The following PHF21B variants were observed in gnomAD, a reference collection of about 807,000 sequenced individuals.
PHF21B encodes PHD finger protein 4.
Under a neutral mutation model 62.2 loss-of-function variants are expected in PHF21B, and 22 were observed. That is an observed-to-expected ratio of 0.35 (90% CI 0.25 to 0.51). PHF21B has a LOEUF of 0.51. Ranked by LOEUF, PHF21B falls within the 20% of genes least tolerant of loss-of-function variation. PHF21B has a pLI of 0.97. For synonymous variants in PHF21B, 341 were observed against 314.7 expected (o/e 1.08, Z -0.88); for missense variants, 701 against 707.9 (o/e 0.99, Z 0.11).
chr22:44,973,929 T>A (rs1601664716), intron 2 of PHF21B, among the ~76,000 whole-genome samples: 2 of 152,028 alleles, frequency 1.3e-5, no homozygotes, highest in African/African-American at 4.8e-5. Flanking sequence ...AGGAGGCAGG[T>A]AAGGACAATG....
intron 2 of PHF21B, among the ~76,000 whole-genome samples, chr22:44,942,999 C>A (rs1349044497): frequency 3.0e-5 from 1 of 33,462 alleles, no homozygotes. Flanking sequence ...GGAGGGACCC[C>A]CCCCCCCCCA....
intron 1 of PHF21B, chr22:45,008,917 A>T (rs1030335583): frequency 5.3e-6 from 6 of 1,131,848 alleles, no homozygotes; most frequent in Admixed American, 4.9e-5. Flanking sequence ...TGTGAGTGTG[A>T]GTGTGTGCCG....
chr22:44,893,680 G>A, intron 6 of PHF21B, 147 bp from the exon 7 acceptor site: 1 of 738,568 alleles, frequency 1.4e-6, no homozygotes, highest in Non-Finnish European at 2.2e-6. Flanking sequence ...ATGGCCCAGG[G>A]TGGGTTAGGG....
At chr22:44,982,811 A>C (rs2018475646) in intron 2 of PHF21B, among the ~76,000 whole-genome samples, 1 of 152,214 alleles carries the variant, frequency 6.6e-6, no homozygotes, top group East Asian at 1.9e-4. Context: ...TTACGGGAGC[A>C]GCAGGCTCTG....
intron 2 of PHF21B, among the ~76,000 whole-genome samples, chr22:44,968,092 T>TAA (rs959811778): frequency 4.6e-5 from 7 of 152,144 alleles, no homozygotes; most frequent in Admixed American, 3.3e-4. Context: ...TCAGAGCAGT[T>TAA]ACTTTACTTC....
rs1300241022 is a variant in PHF21B at position 44,914,037 on chromosome 22, G to C, written c.616C>G (p.Leu206Val). 2 of 1,392,282 alleles carry C rather than the reference G, an allele frequency of 1.4e-6. No homozygotes were observed. The highest frequency in any genetic ancestry group is 2.0e-6 in the Non-Finnish European group (2 of 990,108). The allele number at this position is 1,392,282 out of a possible 1,614,324, so 86.2% of individuals were successfully genotyped here. A position where few individuals can be genotyped will look rare whatever the true frequency, so the allele number is the denominator to read the frequency against. The change falls in exon 5 of 13, where the codon CTC becomes GTC. Residue 206 changes from leucine (L) to valine (V), a missense_variant. Leu to Val is a conservative substitution (Grantham distance 32, BLOSUM62 1). Coordinates refer to ENST00000313237, the MANE Select transcript of PHF21B (RefSeq NM_138415.5). ...SPHPATHHCP[L>V]HPSSLPLTPP... ...GTGAGGGGAAGAGAGGAGGGGTGGAGGGGACAGTGATGGGTTGCGGGGTGA... is the reference window on the plus strand; with the variant it reads ...GTGAGGGGAAGAGAGGAGGGGTGGACGGGACAGTGATGGGTTGCGGGGTGA...
intron 2 of PHF21B, among the ~76,000 whole-genome samples, chr22:44,922,180 G>A (rs1422899424): frequency 6.6e-6 from 1 of 152,190 alleles, no homozygotes; most frequent in Non-Finnish European, 1.5e-5. Flanking sequence ...TTTATCCCAG[G>A]ACTGCAGGGC....
At chr22:44,985,514 C>T (rs1203202486) in intron 2 of PHF21B, among the ~76,000 whole-genome samples, 1 of 151,940 alleles carries the variant, frequency 6.6e-6, no homozygotes, top group African/African-American at 2.4e-5. Flanking sequence ...AGGAGGATCG[C>T]TGGAACCCAG....
intron 2 of PHF21B, chr22:45,001,045 C>T (rs1397643918): frequency 6.6e-6 from 1 of 152,202 alleles, no homozygotes; most frequent in Non-Finnish European, 1.5e-5. Context: ...GAAGCTGGGC[C>T]GTGAACCCCC....
chr22:44,907,179 C>T (rs2071266481), intron 5 of PHF21B, among the ~76,000 whole-genome samples: 1 of 152,198 alleles, frequency 6.6e-6, no homozygotes, highest in African/African-American at 2.4e-5. Flanking sequence ...CCCCGCCCAC[C>T]CCCAGCCTCC....
rs2073371692 is a variant in PHF21B, at chr22:45,008,685, ACCCCCCGCCCGGAG to A, written c.55-89_55-76del. 9 of 1,155,920 alleles carry A rather than the reference ACCCCCCGCCCGGAG, an allele frequency of 7.8e-6. No individual in the cohort carries two copies. The South Asian group carries it at 2.0e-4, about 25-fold the overall frequency. The allele number at this position is 1,155,920 out of a possible 1,614,324, so 71.6% of individuals were successfully genotyped here. On this transcript the variant is annotated intron_variant, in intron 1 of 12. Coordinates refer to ENST00000313237, the MANE Select transcript of PHF21B (RefSeq NM_138415.5). ...GCACCCCAGCACCGCGGGCCGCGGC[ACCCCCCGCCCGGAG>A]CCCCACGGGCGGGGCCGGCCGCAGC...
intron 5 of PHF21B, among the ~76,000 whole-genome samples, chr22:44,904,156 A>G (rs2071209232): frequency 6.6e-6 from 1 of 152,152 alleles, no homozygotes; most frequent in Non-Finnish European, 1.5e-5. Context: ...TAAAGGCTGG[A>G]GTTAATATTT....
intron 2 of PHF21B, among the ~76,000 whole-genome samples, chr22:44,958,092 C>T (rs1002742592): frequency 3.3e-5 from 5 of 152,062 alleles, no homozygotes; most frequent in South Asian, 2.1e-4. Flanking sequence ...TTAATAGAGA[C>T]GGGGTTTCTC....
intron 2 of PHF21B, among the ~76,000 whole-genome samples, chr22:44,976,780 G>A (rs544044708): frequency 2.0e-5 from 3 of 152,348 alleles, no homozygotes; most frequent in African/African-American, 7.2e-5. Context: ...AGAGATTAAA[G>A]GTTCTAAAAC....
intron 5 of PHF21B, among the ~76,000 whole-genome samples, chr22:44,913,319 C>T (rs995227358): frequency 1.3e-5 from 2 of 152,192 alleles, no homozygotes; most frequent in Non-Finnish European, 2.9e-5. Flanking sequence ...AGGCAGGGGC[C>T]ACTGCCCAGA....
intron 2 of PHF21B, among the ~76,000 whole-genome samples, chr22:44,920,980 G>A (rs778394086): frequency 5.9e-5 from 9 of 152,218 alleles, no homozygotes; most frequent in Non-Finnish European, 1.0e-4. Context: ...CATCTTTGTG[G>A]ATAAATCCAT....
At chr22:45,007,563 A>AAGG (rs1239499570) in intron 2 of PHF21B, among the ~76,000 whole-genome samples, 14 of 42,636 alleles carry the variant, frequency 3.3e-4, no homozygotes, top group Admixed American at 1.7e-3. Context: ...GCGGGGCGCG[A>AAGG]AGGAGGGAGG....
chr22:44,883,119 G>T lies in PHF21B; in HGVS notation c.1563C>A (p.His521Gln). Residue 521 changes from histidine (H) to glutamine (Q), a missense_variant, in exon 13 of 13, where the codon CAC becomes CAA. Transcript: ENST00000313237. The stretch of plus-strand genomic sequence containing the variant: ...GGCCCTGGGGGTGCTGGACGGTGGG[G>T]TGTGTGGCTGCCACTGAGGGCTTGG... ...PWTKPSVAAT[H>Q]PTVQHPQGHN 2 of 1,612,412 alleles carry T rather than the reference G, an allele frequency of 1.2e-6. No homozygotes were observed. Among genetic ancestry groups the T allele is most frequent in the South Asian group, 2.2e-5 (2 of 91,020 alleles).
chr22:44,893,379 G>A, intron 7 of PHF21B, 78 bp downstream of exon 7: 2 of 1,382,476 alleles, frequency 1.4e-6, no homozygotes, highest in Non-Finnish European at 9.9e-7. Flanking sequence ...GAATGAGGGA[G>A]GCCCTGGGAC....
Sources: gnomAD v4.1 joint callset for allele counts (sites outside exome capture counted in the v4.1 genomes callset) on GRCh38, gnomAD v4.1.1 for gene constraint, MANE v1.5 for transcripts, NCBI Gene and HGNC (gene_info 2026-07-23, HGNC 2026-07-21) for gene names.